DNAH8: variants seen among roughly 807,000 people sequenced by gnomAD.
DNAH8 encodes dynein axonemal heavy chain 8.
In DNAH8, 382 loss-of-function variants were observed where a neutral mutation model predicts 562.1. The observed-to-expected ratio is 0.68, with a 90% confidence interval of 0.63 to 0.74. The LOEUF is 0.74. Ranked by LOEUF, DNAH8 falls within the 30% of genes least tolerant of loss-of-function variation. The probability of loss-of-function intolerance (pLI) is 0.00; values close to 1 mark genes in which losing one functional copy is unlikely to be tolerated. For synonymous variants in DNAH8, 1,881 were observed against 1,919.4 expected (o/e 0.98, Z 0.52); for missense variants, 5,203 against 5,620.4 (o/e 0.93, Z 2.37).
At chr6:38,905,265 G>T (rs1213447649) in intron 62 of DNAH8, among the ~76,000 whole-genome samples, 1 of 152,108 alleles carries the variant, frequency 6.6e-6, no homozygotes, top group Non-Finnish European at 1.5e-5. Flanking sequence ...TACCCATGAG[G>T]ATTTACATAC....
intron 87 of DNAH8, among the ~76,000 whole-genome samples, chr6:38,986,354 T>G (rs941619835): frequency 6.6e-6 from 1 of 152,100 alleles, no homozygotes; most frequent in Admixed American, 6.6e-5. Context: ...AAAAGTAAAG[T>G]GAGATCTATA....
intron 7 of DNAH8, among the ~76,000 whole-genome samples, chr6:38,740,725 C>T: frequency 6.6e-6 from 1 of 152,036 alleles, no homozygotes; most frequent in East Asian, 1.9e-4. Flanking sequence ...AGTGATCCTC[C>T]CCGCTCAGCC....
intron 79 of DNAH8, among the ~76,000 whole-genome samples, chr6:38,941,898 C>T (rs947981483): frequency 2.0e-5 from 3 of 152,012 alleles, no homozygotes; most frequent in African/African-American, 7.3e-5. Flanking sequence ...GAAATCTTAC[C>T]CCACCCCCTC....
chr6:39,027,177 A>G (rs1308877984), intron 92 of DNAH8, among the ~76,000 whole-genome samples: 3 of 152,078 alleles, frequency 2.0e-5, no homozygotes, highest in Non-Finnish European at 4.4e-5. Context: ...TGAGGCTGCA[A>G]TAAGCAGTGA....
chr6:38,921,568 A>G lies in DNAH8; in HGVS notation c.10662+62A>G, dbSNP rs915684387. 6.5e-6 allele frequency: 10 copies of G among 1,528,614 alleles called. No homozygotes were observed. The East Asian group carries it at 9.7e-5, about 15-fold the overall frequency. 94.7% of individuals were successfully genotyped at this position (1,528,614 alleles called of 1,614,324 possible). On this transcript the variant is annotated intron_variant, in intron 71 of 92. Transcript: ENST00000327475. Reference sequence around the variant, plus strand: ...CTGAAACTTTACACAAGAGCATGCTATATTTGGAAATCAGGCAAATGGTTG... The same window carrying G: ...CTGAAACTTTACACAAGAGCATGCTGTATTTGGAAATCAGGCAAATGGTTG...
chr6:38,988,328 T>A (rs1764545113), intron 87 of DNAH8, among the ~76,000 whole-genome samples: 1 of 152,208 alleles, frequency 6.6e-6, no homozygotes, highest in African/African-American at 2.4e-5. Context: ...GCTATTTGTA[T>A]GTGTATAAAG....
intron 36 of DNAH8, among the ~76,000 whole-genome samples, chr6:38,847,106 C>G (rs1775362584): frequency 6.6e-6 from 1 of 152,086 alleles, no homozygotes; most frequent in African/African-American, 2.4e-5. Context: ...TGTATGTCTC[C>G]TTCGGTAAGA....
chr6:38,908,190 T>C, intron 64 of DNAH8, 70 bp downstream of exon 64: 1 of 850,020 alleles, frequency 1.2e-6, no homozygotes, highest in Non-Finnish European at 1.7e-6. Flanking sequence ...GTTTGCCTTC[T>C]CTGATTAGAA....
Position 38,938,013 on chromosome 6 carries a change from G to A in DNAH8, c.11603G>A (p.Arg3868Gln), listed in dbSNP as rs1250983135. 3.7e-6 allele frequency: 6 copies of A among 1,613,398 alleles called. No homozygotes were observed. The highest frequency in any genetic ancestry group is 2.2e-5 in the East Asian group (1 of 44,844). Reference sequence around the variant, plus strand: ...GACGAATCTCTCATTGGTGTACTTCGAACTACCAAGCAGACAGCAGCTGAG... The same window carrying A: ...GACGAATCTCTCATTGGTGTACTTCAAACTACCAAGCAGACAGCAGCTGAG... Reference protein sequence around the residue: ...VDDESLIGVLRTTKQTAAEVS... With the variant: ...VDDESLIGVLQTTKQTAAEVS... Residue 3868 changes from arginine to glutamine, a missense_variant, in exon 78 of 93, where the codon CGA (arginine) becomes CAA (glutamine). This residue lies in a region of DNAH8 where 1,399 missense variants were observed against 1,518.4 expected (regional missense o/e 0.92). Transcript: ENST00000327475.
chr6:38,939,416 A>G (rs1007648861), intron 79 of DNAH8, among the ~76,000 whole-genome samples: 1 of 152,232 alleles, frequency 6.6e-6, no homozygotes, highest in African/African-American at 2.4e-5. Context: ...GGTATAATTA[A>G]GGAGACAAAA....
chr6:38,929,784 G>A, intron 75 of DNAH8, 118 bp downstream of exon 75: 1 of 929,734 alleles, frequency 1.1e-6, no homozygotes. Flanking sequence ...TTATCTTATT[G>A]AGCATAGCAG....
rs181446190 is a variant in DNAH8, at chr6:38,791,037, T to A, written c.2782-518T>A. Among the ~76,000 whole-genome samples the A allele has an allele frequency of 3.4e-4, 52 of 152,292 alleles. 1 individual carries two copies. In the East Asian group the frequency reaches 6.0e-3, roughly 18 times the overall value. ...AATATTAATATTAATGTATTTAATA[T>A]TAACTAGATGAGATGATCATCAAAT... On this transcript the variant is annotated intron_variant, in intron 20 of 92. Coordinates refer to ENST00000327475, the MANE Select transcript of DNAH8 (RefSeq NM_001206927.2).
chr6:38,790,314 T>G lies in DNAH8; in HGVS notation c.2690T>G (p.Leu897Arg). 1 of 1,608,396 alleles carries G rather than the reference T, an allele frequency of 6.2e-7. No homozygotes were observed. The change falls in exon 20 of 93, where the codon CTC (leucine) becomes CGC (arginine). Residue 897 changes from leucine (L) to arginine (R), a missense_variant. Physicochemically the swap from Leu to Arg is moderately radical, Grantham distance 102 (BLOSUM62 -2). Coordinates refer to ENST00000327475, the MANE Select transcript of DNAH8 (RefSeq NM_001206927.2). ...GTGGAATCTGTGTTGAGGCAAGGACTCACAGTGTTAACATGGTCGTCTTTA... is the reference window on the plus strand; with the variant it reads ...GTGGAATCTGTGTTGAGGCAAGGACGCACAGTGTTAACATGGTCGTCTTTA... Reference protein sequence around the residue: ...KKVESVLRQGLTVLTWSSLTL... With the variant: ...KKVESVLRQGRTVLTWSSLTL...
chr6:38,941,612 G>A (rs1783466475), intron 79 of DNAH8, among the ~76,000 whole-genome samples: 1 of 152,192 alleles, frequency 6.6e-6, no homozygotes, highest in African/African-American at 2.4e-5. Flanking sequence ...AGAGTGTCAA[G>A]ATGTATGAGG....
intron 41 of DNAH8, among the ~76,000 whole-genome samples, chr6:38,854,705 C>A (rs1049033746): frequency 1.1e-4 from 16 of 151,748 alleles, no homozygotes; most frequent in African/African-American, 3.9e-4. Flanking sequence ...AGAGGCTTGG[C>A]CTAAATTAGG....
intron 1 of DNAH8, among the ~76,000 whole-genome samples, chr6:38,720,276 G>A (rs1285620438): frequency 2.6e-5 from 4 of 152,176 alleles, no homozygotes; most frequent in South Asian, 4.1e-4. Context: ...AGAGATGAAG[G>A]AGGGAGATAG....
intron 80 of DNAH8, 96 bp from the exon 81 acceptor site, chr6:38,949,356 T>C (rs1022976751): frequency 8.9e-6 from 7 of 782,616 alleles, no homozygotes; most frequent in Non-Finnish European, 1.6e-5. Context: ...ATTATCTGCC[T>C]GTAAAGAATG....
In DNAH8 at chr6:38,888,101, A is replaced by G. The variant is rs182963614; in HGVS notation, c.8473+1097A>G. Among the ~76,000 whole-genome samples the G allele has an allele frequency of 1.3e-3, 196 of 152,138 alleles. 1 individual carries two copies. The highest frequency in any genetic ancestry group is 4.6e-3 in the African/African-American group (190 of 41,490). On this transcript the variant is annotated intron_variant, in intron 57 of 92. Coordinates refer to ENST00000327475, the MANE Select transcript of DNAH8 (RefSeq NM_001206927.2). ...TGATCTGCCTGCCTCGGGCTCCCAA[A>G]GTGCTGGGATTACAGGCATGAGCCA...
chr6:38,877,730 C>T (rs1424053794), intron 53 of DNAH8, among the ~76,000 whole-genome samples: 1 of 152,172 alleles, frequency 6.6e-6, no homozygotes, highest in African/African-American at 2.4e-5. Flanking sequence ...GAGAAGACTT[C>T]ATTCATAGAT....
Sources: gnomAD v4.1 joint callset for allele counts (sites outside exome capture counted in the v4.1 genomes callset) on GRCh38, gnomAD v4.1.1 for gene constraint, gnomAD v4.1.1 regional missense constraint, MANE v1.5 for transcripts, NCBI Gene and HGNC (gene_info 2026-07-23, HGNC 2026-07-21) for gene names.